GALNT13: variants seen among roughly 807,000 people sequenced by gnomAD.
GALNT13 encodes polypeptide N-acetylgalactosaminyltransferase 13, also known as UDP-GalNAc:polypeptide N-acetylgalactosaminyltransferase 13.
GALNT13 carries 28 observed loss-of-function variants against 64.2 expected under a neutral mutation model. That is an observed-to-expected ratio of 0.44 (90% CI 0.32 to 0.60). The LOEUF (loss-of-function observed/expected upper bound fraction) is 0.60. GALNT13 is among the 20% of genes least tolerant of loss of function. GALNT13 has a pLI of 0.05. For synonymous variants in GALNT13, 214 were observed against 224.6 expected, an observed-to-expected ratio of 0.95 and a Z score of 0.42; for missense variants, 577 against 669.8, an observed-to-expected ratio of 0.86 and a Z score of 1.53.
chr2:153,119,184 A>G, the GALNT13 span, among the ~76,000 whole-genome samples: 4 of 152,190 alleles, frequency 2.6e-5, no homozygotes, highest in East Asian at 7.7e-4. Context: ...TTTATAAATG[A>G]CCCAGTCTTG....
intron 9 of GALNT13, among the ~76,000 whole-genome samples, chr2:154,332,439 G>A (rs1351607789): frequency 6.6e-6 from 1 of 152,022 alleles, no homozygotes. Context: ...AAAAAATTGA[G>A]TATCTAACCA....
intron 3 of GALNT13, among the ~76,000 whole-genome samples, chr2:153,965,828 T>A (rs1235515542): frequency 4.0e-5 from 6 of 151,440 alleles, no homozygotes; most frequent in Non-Finnish European, 7.4e-5. Flanking sequence ...ACTAAAAAAC[T>A]CTACATTTTC....
chr2:153,885,902 G>T (rs991463577), intron 1 of GALNT13, among the ~76,000 whole-genome samples: 14 of 152,022 alleles, frequency 9.2e-5, no homozygotes, highest in Non-Finnish European at 1.8e-4. Flanking sequence ...CCTGCCGGTT[G>T]TTGCTGTGTA....
chr2:153,128,364 G>T, the GALNT13 span, among the ~76,000 whole-genome samples: 1 of 151,832 alleles, frequency 6.6e-6, no homozygotes, highest in African/African-American at 2.4e-5. Context: ...AGCTTGTGCA[G>T]GTAAACTCTG....
chr2:153,858,610 C>T, the GALNT13 span, among the ~76,000 whole-genome samples: 3 of 152,114 alleles, frequency 2.0e-5, no homozygotes, highest in Non-Finnish European at 4.4e-5. Flanking sequence ...GTCACAATTG[C>T]TCTATTTAAT....
At chr2:153,473,804 A>T in the GALNT13 span, among the ~76,000 whole-genome samples, 1 of 152,220 alleles carries the variant, frequency 6.6e-6, no homozygotes, top group Admixed American at 6.5e-5. Flanking sequence ...GCAGAAACTC[A>T]AAAGGAAAAA....
At chr2:153,605,237 A>G in the GALNT13 span, among the ~76,000 whole-genome samples, 1 of 152,122 alleles carries the variant, frequency 6.6e-6, no homozygotes, top group Non-Finnish European at 1.5e-5. Context: ...AGTAGCAAGT[A>G]ATAGATAGGC....
the GALNT13 span, among the ~76,000 whole-genome samples, chr2:153,516,798 G>T: frequency 1.3e-5 from 2 of 151,958 alleles, no homozygotes; most frequent in African/African-American, 4.8e-5. Flanking sequence ...CAGATCTATA[G>T]GATATCAAAA....
At position 154,439,007 on chromosome 2, in the gene GALNT13, G is replaced by A. The variant is rs186103234; in HGVS notation, c.1530+281G>A. On this transcript the variant is annotated intron_variant, in intron 12 of 12. Transcript: ENST00000392825. ...ATGCCAAACATAAATTAGGCAAGAG[G>A]TAAGCTAAGCCTATCTGAGAGGTTT... Among the ~76,000 whole-genome samples, 479 of 152,206 alleles carry A rather than the reference G, an allele frequency of 3.1e-3. 2 individuals carry two copies. The highest frequency in any genetic ancestry group is 0.01 in the Middle Eastern group (3 of 294).
chr2:153,928,511 A>G (rs1299865671), intron 2 of GALNT13, among the ~76,000 whole-genome samples: 11 of 152,126 alleles, frequency 7.2e-5, no homozygotes, highest in Non-Finnish European at 1.6e-4. Context: ...GAACATTCTG[A>G]ATTTCTCCCT....
intron 3 of GALNT13, among the ~76,000 whole-genome samples, chr2:154,103,753 T>A (rs1173062073): frequency 6.6e-6 from 1 of 152,162 alleles, no homozygotes; most frequent in East Asian, 1.9e-4. Context: ...CTGTTTGAGT[T>A]CCTTGGTTAT....
intron 8 of GALNT13, among the ~76,000 whole-genome samples, chr2:154,264,772 C>T (rs1690892688): frequency 7.3e-6 from 1 of 136,198 alleles, no homozygotes; most frequent in Admixed American, 8.1e-5. Context: ...ATTTATAGCA[C>T]TAAATGTCTA....
chr2:154,442,817 A>T (rs991083921), intron 12 of GALNT13, among the ~76,000 whole-genome samples: 1 of 152,088 alleles, frequency 6.6e-6, no homozygotes, highest in African/African-American at 2.4e-5. Context: ...TTCAACAAAC[A>T]CTATGCAACA....
the GALNT13 span, among the ~76,000 whole-genome samples, chr2:153,357,884 A>G: frequency 6.6e-6 from 1 of 152,344 alleles, no homozygotes; most frequent in East Asian, 1.9e-4. Flanking sequence ...ACTAATTTAC[A>G]TCATTTTATA....
chr2:154,420,081 G>GA (rs1700184356), intron 11 of GALNT13, among the ~76,000 whole-genome samples: 1 of 152,038 alleles, frequency 6.6e-6, no homozygotes, highest in Non-Finnish European at 1.5e-5. Flanking sequence ...CACAGTAAGT[G>GA]TATAAAGCAG....
At chr2:154,433,161 T>C (rs2105452998) in intron 11 of GALNT13, among the ~76,000 whole-genome samples, 1 of 152,306 alleles carries the variant, frequency 6.6e-6, no homozygotes, top group South Asian at 2.1e-4. Flanking sequence ...GGTATATGCT[T>C]CTGGTACTTG....
At chr2:153,111,606 G>A in the GALNT13 span, among the ~76,000 whole-genome samples, 21 of 152,128 alleles carry the variant, frequency 1.4e-4, no homozygotes, top group Admixed American at 5.9e-4. Context: ...TTCCCAACAC[G>A]AATAATTCTC....
intron 3 of GALNT13, among the ~76,000 whole-genome samples, chr2:154,034,185 T>C (rs1237968251): frequency 2.6e-5 from 4 of 152,186 alleles, no homozygotes; most frequent in Non-Finnish European, 5.9e-5. Flanking sequence ...TTATAGCAGC[T>C]TTATTTATAA....
chr2:153,152,053 T>C, the GALNT13 span, among the ~76,000 whole-genome samples: 52 of 152,120 alleles, frequency 3.4e-4, no homozygotes, highest in Middle Eastern at 3.4e-3. Flanking sequence ...AGCTTATTTC[T>C]ATTCAGGAGA....
Sources: allele counts gnomAD v4.1 joint callset (sites outside exome capture counted in the v4.1 genomes callset), GRCh38; gene constraint gnomAD v4.1.1; transcripts MANE v1.5; gene names NCBI Gene and HGNC (gene_info 2026-07-23, HGNC 2026-07-21).